CNTN4: variants seen among roughly 807,000 people sequenced by gnomAD.
The protein encoded by CNTN4 is contactin 4.
Under a neutral mutation model 122.5 loss-of-function variants are expected in CNTN4, and 77 were observed. The ratio of observed to expected loss-of-function variants is 0.63; its 90% CI spans 0.52 to 0.76. The LOEUF (loss-of-function observed/expected upper bound fraction) is 0.76. CNTN4 is among the 30% of genes least tolerant of loss of function. The pLI is 0.00. For synonymous variants in CNTN4, 512 were observed against 447.0 expected (o/e 1.15, Z -1.83); for missense variants, 1,256 against 1,259.1 (o/e 1.00, Z 0.04).
At chr3:3,044,896 A>G (rs1700484692) in intron 23 of CNTN4, among the ~76,000 whole-genome samples, 1 of 152,200 alleles carries the variant, frequency 6.6e-6, no homozygotes. Context: ...CTGGAAGATC[A>G]GGGCACTCCC....
At chr3:2,896,212 C>G (rs2094113460) in intron 10 of CNTN4, among the ~76,000 whole-genome samples, 1 of 152,048 alleles carries the variant, frequency 6.6e-6, no homozygotes, top group Admixed American at 6.5e-5. Flanking sequence ...GTGTATGTTT[C>G]TCAAGGTACT....
chr3:2,300,976 A>C (rs571651989), intron 2 of CNTN4, among the ~76,000 whole-genome samples: 3 of 152,256 alleles, frequency 2.0e-5, no homozygotes, highest in East Asian at 3.9e-4. Flanking sequence ...TACCTGCAGG[A>C]AGTGACAGCT....
intron 3 of CNTN4, among the ~76,000 whole-genome samples, chr3:2,545,464 A>T: frequency 6.6e-6 from 1 of 152,028 alleles, no homozygotes; most frequent in Non-Finnish European, 1.5e-5. Flanking sequence ...TCGGGTGTTG[A>T]AGTCTCCCAC....
intron 6 of CNTN4, among the ~76,000 whole-genome samples, chr3:2,750,711 C>T (rs1005398731): frequency 1.3e-5 from 2 of 152,174 alleles, no homozygotes; most frequent in African/African-American, 4.8e-5. Context: ...TACCTTTTAG[C>T]CCTTCTATTT....
intron 2 of CNTN4, among the ~76,000 whole-genome samples, chr3:2,310,747 C>A (rs1364453757): frequency 6.6e-6 from 1 of 152,056 alleles, no homozygotes; most frequent in Non-Finnish European, 1.5e-5. Context: ...ATATGAAAGG[C>A]TTTTAACCCT....
At chr3:2,584,317 T>C (rs1249205000) in intron 4 of CNTN4, among the ~76,000 whole-genome samples, 2 of 151,964 alleles carry the variant, frequency 1.3e-5, no homozygotes, top group East Asian at 3.9e-4. Context: ...GCCGCATGCC[T>C]TCTGGCCTTT....
intron 3 of CNTN4, among the ~76,000 whole-genome samples, chr3:2,450,885 A>G (rs2048804560): frequency 1.3e-5 from 2 of 152,330 alleles, no homozygotes; most frequent in South Asian, 2.1e-4. Context: ...TCTGCTTACC[A>G]TAGGCAGGCA....
intron 4 of CNTN4, among the ~76,000 whole-genome samples, chr3:2,622,011 A>C (rs1471427574): frequency 6.6e-6 from 1 of 152,142 alleles, no homozygotes; most frequent in African/African-American, 2.4e-5. Context: ...AGTGCAGGAA[A>C]TTCACATTAA....
chr3:2,798,137 G>A (rs151253069), intron 6 of CNTN4, among the ~76,000 whole-genome samples: 10 of 146,970 alleles, frequency 6.8e-5, no homozygotes, highest in African/African-American at 2.5e-4. Context: ...ATGTACACAC[G>A]TTTTAGCTCT....
intron 7 of CNTN4, among the ~76,000 whole-genome samples, chr3:2,844,461 C>T (rs2150558269): frequency 6.6e-6 from 1 of 152,142 alleles, no homozygotes; most frequent in East Asian, 1.9e-4. Context: ...TCTGACCCTT[C>T]AGAAGTGTGT....
intron 4 of CNTN4, among the ~76,000 whole-genome samples, chr3:2,690,170 G>A (rs943724658): frequency 3.3e-5 from 5 of 152,108 alleles, no homozygotes; most frequent in African/African-American, 9.7e-5. Flanking sequence ...TTAGCAGGTA[G>A]TGTGTATTCT....
At chr3:2,263,237 A>ATT (rs2040910980) in intron 2 of CNTN4, among the ~76,000 whole-genome samples, 1 of 152,184 alleles carries the variant, frequency 6.6e-6, no homozygotes, top group Non-Finnish European at 1.5e-5. Flanking sequence ...TGTGAACTAC[A>ATT]TGTGGGCAAG....
In CNTN4 at chr3:2,639,673, G is replaced by T. The variant is rs1055029574; in HGVS notation, c.55+68115G>T. Among the ~76,000 whole-genome samples, 5 of 152,228 alleles carry T rather than the reference G, an allele frequency of 3.3e-5. No individual in the cohort carries two copies. In the South Asian group the frequency reaches 6.2e-4, roughly 19 times the overall value. ...CTCGATGCATATTTATTAAATGAAT[G>T]AATTTTTCTTTGTCTGAAATAAATT... is the stretch of plus-strand genomic sequence containing the variant. On this transcript the variant is annotated intron_variant, in intron 4 of 24. Transcript: ENST00000418658.
intron 2 of CNTN4, among the ~76,000 whole-genome samples, chr3:2,264,445 G>A (rs1272120701): frequency 6.6e-6 from 1 of 151,854 alleles, no homozygotes; most frequent in African/African-American, 2.4e-5. Context: ...TGGGTCCTTT[G>A]CCTATTTTTT....
chr3:2,587,362 A>G (rs1489291099), intron 4 of CNTN4, among the ~76,000 whole-genome samples: 16 of 151,828 alleles, frequency 1.1e-4, no homozygotes, highest in African/African-American at 3.1e-4. Context: ...GATATTCTGT[A>G]TAGAATTTTG....
intron 5 of CNTN4, among the ~76,000 whole-genome samples, chr3:2,742,869 C>G (rs2089535901): frequency 6.6e-6 from 1 of 152,188 alleles, no homozygotes; most frequent in Non-Finnish European, 1.5e-5. Flanking sequence ...GTGCAATCCA[C>G]ATTCAATTGG....
At chr3:2,140,117 T>G (rs939072476) in intron 2 of CNTN4, among the ~76,000 whole-genome samples, 2 of 152,210 alleles carry the variant, frequency 1.3e-5, no homozygotes, top group African/African-American at 4.8e-5. Flanking sequence ...GCTTCTCCTT[T>G]GCCTTCCACC....
At chr3:2,249,231 GA>G (rs1298417718) in intron 2 of CNTN4, among the ~76,000 whole-genome samples, 4 of 151,906 alleles carry the variant, frequency 2.6e-5, no homozygotes, top group African/African-American at 9.7e-5. Context: ...AGGGATTGAT[GA>G]ACTATTTTGA....
At chr3:2,143,184 G>T (rs556373117) in intron 2 of CNTN4, among the ~76,000 whole-genome samples, 2 of 152,074 alleles carry the variant, frequency 1.3e-5, no homozygotes, top group Non-Finnish European at 2.9e-5. Context: ...TCTGTTTTAC[G>T]TTTCCCATTT....
Sources: gnomAD v4.1 joint callset for allele counts (sites outside exome capture counted in the v4.1 genomes callset) on GRCh38, gnomAD v4.1.1 for gene constraint, MANE v1.5 for transcripts, NCBI Gene and HGNC (gene_info 2026-07-23, HGNC 2026-07-21) for gene names.